RUNX2: variants seen among roughly 807,000 people sequenced by gnomAD.
RUNX2 encodes the protein runt-related transcription factor 2.
In RUNX2, 10 loss-of-function variants were observed where a neutral mutation model predicts 51.7. That is an observed-to-expected ratio of 0.19 (90% CI 0.12 to 0.33). RUNX2 has a LOEUF of 0.33. RUNX2 is among the 10% of genes least tolerant of loss of function. The probability of loss-of-function intolerance (pLI) is 1.00; values close to 1 mark genes in which losing one functional copy is unlikely to be tolerated. For synonymous variants in RUNX2, 276 were observed against 273.6 expected, an observed-to-expected ratio of 1.01 and a Z score of -0.09; for missense variants, 562 against 691.3, an observed-to-expected ratio of 0.81 and a Z score of 2.10.
chr6:45,434,047 G>T (rs866990734), intron 4 of RUNX2, among the ~76,000 whole-genome samples: 25 of 152,138 alleles, frequency 1.6e-4, no homozygotes, highest in Admixed American at 1.3e-4. Flanking sequence ...ATGGGGGGTA[G>T]GGGGAGTGGG....
At chr6:45,434,247 GCCTTTGTAC>G (rs1158862394) in intron 4 of RUNX2, among the ~76,000 whole-genome samples, 1 of 152,036 alleles carries the variant, frequency 6.6e-6, no homozygotes, top group Non-Finnish European at 1.5e-5. Context: ...CCTTTAACCT[GCCTTTGTAC>G]CCTTTGTACC....
At chr6:45,509,879 T>A (rs140041079) in intron 6 of RUNX2, among the ~76,000 whole-genome samples, 41 of 152,338 alleles carry the variant, frequency 2.7e-4, no homozygotes, top group Non-Finnish European at 4.7e-4. Flanking sequence ...GTTAAACTGC[T>A]TGCTCAGGAA....
Position 45,377,148 on chromosome 6 carries a change from A to G in RUNX2, c.59-45445A>G, listed in dbSNP as rs931863010. ...AACGTGGAGAGCAAAAGCAGAGCTA[A>G]TATGTACTGAGCAGCACCTGGCGCT... On this transcript the variant is annotated intron_variant, in intron 2 of 8. Transcript: ENST00000647337. Among the ~76,000 whole-genome samples the G allele has an allele frequency of 3.3e-5, 5 of 152,308 alleles. No homozygotes were observed. In the South Asian group the frequency reaches 8.3e-4, roughly 25 times the overall value.
chr6:45,442,076 T>G (rs1263035819), intron 5 of RUNX2, among the ~76,000 whole-genome samples: 1 of 152,256 alleles, frequency 6.6e-6, no homozygotes, highest in Non-Finnish European at 1.5e-5. Flanking sequence ...GCATCATTGA[T>G]GTTTTTTAAC....
intron 2 of RUNX2, among the ~76,000 whole-genome samples, chr6:45,335,352 T>C (rs1788345380): frequency 6.6e-6 from 1 of 151,308 alleles, no homozygotes; most frequent in African/African-American, 2.4e-5. Flanking sequence ...TTTATTTTAC[T>C]ATGTAATATG....
At chr6:45,383,944 G>A (rs904362954) in intron 2 of RUNX2, among the ~76,000 whole-genome samples, 4 of 152,162 alleles carry the variant, frequency 2.6e-5, no homozygotes, top group African/African-American at 9.7e-5. Flanking sequence ...TGTACCAACA[G>A]GTTTCACCAG....
intron 2 of RUNX2, among the ~76,000 whole-genome samples, chr6:45,394,998 T>C (rs943086622): frequency 1.3e-5 from 2 of 152,118 alleles, no homozygotes; most frequent in African/African-American, 4.8e-5. Flanking sequence ...AATTTTATTG[T>C]TGCTCTTTTT....
intron 3 of RUNX2, among the ~76,000 whole-genome samples, chr6:45,425,625 G>A (rs9369561): frequency 0.5 from 75,746 of 151,614 alleles, 18,926 homozygotes; most frequent in South Asian, 0.61. Context: ...AAAATACTCT[G>A]TTGAGAAAAA....
At chr6:45,529,195 A>G (rs1379305753) in intron 7 of RUNX2, among the ~76,000 whole-genome samples, 1 of 152,148 alleles carries the variant, frequency 6.6e-6, no homozygotes. Context: ...TTCTCCATGG[A>G]CACAGCTTTC....
At chr6:45,394,956 G>A (rs749839883) in intron 2 of RUNX2, among the ~76,000 whole-genome samples, 60 of 152,288 alleles carry the variant, frequency 3.9e-4, no homozygotes, top group Non-Finnish European at 7.5e-4. Flanking sequence ...GAATGGGTGT[G>A]TGTGGGGGGG....
intron 3 of RUNX2, among the ~76,000 whole-genome samples, chr6:45,429,574 C>A (rs1006057420): frequency 2.6e-5 from 4 of 152,144 alleles, no homozygotes; most frequent in Non-Finnish European, 5.9e-5. Context: ...GGAGACTTCT[C>A]ATATTGAGAA....
intron 6 of RUNX2, among the ~76,000 whole-genome samples, chr6:45,508,022 A>G (rs968317920): frequency 1.3e-5 from 2 of 152,112 alleles, no homozygotes; most frequent in African/African-American, 4.8e-5. Flanking sequence ...TTAATCTTAG[A>G]TACGTAATTT....
At chr6:45,488,598 C>T (rs1205310920) in intron 5 of RUNX2, among the ~76,000 whole-genome samples, 1 of 152,168 alleles carries the variant, frequency 6.6e-6, no homozygotes, top group African/African-American at 2.4e-5. Context: ...GAGACCTTTT[C>T]CCCAGGTCCC....
rs186219428 is a variant in RUNX2 at position 45,549,579 on chromosome 6, C to T, written c.*2274C>T. 5.9e-4 allele frequency: 230 copies of T among 391,832 alleles called. 1 individual carries two copies. The East Asian group carries it at 7.8e-3, about 13-fold the overall frequency. 24.3% of individuals were successfully genotyped at this position (391,832 alleles called of 1,614,324 possible). Reference sequence around the variant, plus strand: ...GTGGTAGCTTGAAGCACACCACTGTCCATTTATTTGTAAGTGTAAAATATG... The same window carrying T: ...GTGGTAGCTTGAAGCACACCACTGTTCATTTATTTGTAAGTGTAAAATATG... On this transcript the variant is annotated 3_prime_UTR_variant, in exon 9 of 9. Transcript: ENST00000647337.
intron 2 of RUNX2, among the ~76,000 whole-genome samples, chr6:45,375,309 G>C (rs1021233130): frequency 2.6e-5 from 4 of 152,214 alleles, no homozygotes; most frequent in South Asian, 2.1e-4. Flanking sequence ...ATTATGATGT[G>C]GTCCCAATTC....
chr6:45,520,719 C>A, intron 7 of RUNX2, among the ~76,000 whole-genome samples: 1 of 152,104 alleles, frequency 6.6e-6, no homozygotes, highest in East Asian at 1.9e-4. Flanking sequence ...CTAATGTGTA[C>A]ATATCTTTCT....
In RUNX2 at chr6:45,547,709, C is replaced by G. The variant is rs768542647; in HGVS notation, c.*404C>G. 2.3e-5 allele frequency: 7 copies of G among 302,896 alleles called. No homozygotes were observed. Among genetic ancestry groups the G allele is most frequent in the Non-Finnish European group, 3.8e-5 (6 of 157,088 alleles). The allele number at this position is 302,896 out of a possible 1,614,324, so 18.8% of individuals were successfully genotyped here. A position where few individuals can be genotyped will look rare whatever the true frequency, so the allele number is the denominator to read the frequency against. On this transcript the variant is annotated 3_prime_UTR_variant, in exon 9 of 9. Coordinates refer to ENST00000647337, the MANE Select transcript of RUNX2 (RefSeq NM_001024630.4). ...GCTTCCTCTCTGTGCTTTGAAACTT[C>G]ACACCCTCACGGTGGCAGCTGTGTA...
At chr6:45,434,644 T>C (rs1798631951) in intron 4 of RUNX2, among the ~76,000 whole-genome samples, 1 of 152,152 alleles carries the variant, frequency 6.6e-6, no homozygotes, top group Non-Finnish European at 1.5e-5. Flanking sequence ...TTTCATGGTT[T>C]TTCCTTTTTT....
intron 2 of RUNX2, among the ~76,000 whole-genome samples, chr6:45,367,252 C>T (rs1253266896): frequency 6.6e-6 from 1 of 152,018 alleles, no homozygotes; most frequent in Non-Finnish European, 1.5e-5. Context: ...AAGGCAAGAG[C>T]ACAAAAAGCG....
Sources: gnomAD v4.1 joint callset for allele counts (sites outside exome capture counted in the v4.1 genomes callset) on GRCh38, gnomAD v4.1.1 for gene constraint, MANE v1.5 for transcripts, NCBI Gene and HGNC (gene_info 2026-07-23, HGNC 2026-07-21) for gene names.